Variants in SAMD12 observed in about 807,000 individuals in gnomAD.
SAMD12 encodes sterile alpha motif domain containing 12.
In SAMD12, 9 loss-of-function variants were observed where a neutral mutation model predicts 15.0. That is an observed-to-expected ratio of 0.60 (90% CI 0.36 to 1.05). SAMD12 has a LOEUF of 1.05. SAMD12 is among the 50% of genes least tolerant of loss of function. The probability of loss-of-function intolerance (pLI) is 0.01; values close to 1 mark genes in which losing one functional copy is unlikely to be tolerated. For synonymous variants in SAMD12, 86 were observed against 90.1 expected (o/e 0.96, Z 0.25); for missense variants, 230 against 234.2 (o/e 0.98, Z 0.12).
chr8:118,488,940 C>T (rs1824360697), intron 2 of SAMD12, among the ~76,000 whole-genome samples: 1 of 152,152 alleles, frequency 6.6e-6, no homozygotes, highest in African/African-American at 2.4e-5. Flanking sequence ...TCTTGTCAAA[C>T]AGTTTTCTGA....
At chr8:118,469,021 C>T (rs1196765309) in intron 2 of SAMD12, among the ~76,000 whole-genome samples, 1 of 152,180 alleles carries the variant, frequency 6.6e-6, no homozygotes, top group Non-Finnish European at 1.5e-5. Context: ...TTGGTCCGCA[C>T]TATTCTTTCT....
chr8:118,181,837 C>G, the SAMD12 span, among the ~76,000 whole-genome samples: 1 of 152,240 alleles, frequency 6.6e-6, no homozygotes, highest in Non-Finnish European at 1.5e-5. Flanking sequence ...TAAAACAGTG[C>G]ATTAAAGTAC....
At chr8:118,164,528 T>C in the SAMD12 span, among the ~76,000 whole-genome samples, 23 of 152,284 alleles carry the variant, frequency 1.5e-4, no homozygotes, top group South Asian at 4.8e-3. Context: ...ATTTTCAAGC[T>C]CTTCCAACAT....
intron 4 of SAMD12, among the ~76,000 whole-genome samples, chr8:118,267,563 C>A (rs1456270640): frequency 2.0e-5 from 3 of 152,080 alleles, no homozygotes; most frequent in Admixed American, 6.6e-5. Flanking sequence ...GAAACAAATT[C>A]TTGGTTCCTC....
exon 5 of SAMD12, chr8:118,192,849 C>T (rs1353490935): frequency 1.3e-5 from 2 of 152,088 alleles, no homozygotes; most frequent in Non-Finnish European, 2.9e-5. Flanking sequence ...CTGTTGGTGC[C>T]TTCTTGTGCT....
chr8:118,328,150 AC>A (rs1816648258), intron 4 of SAMD12, among the ~76,000 whole-genome samples: 1 of 151,936 alleles, frequency 6.6e-6, no homozygotes, highest in Non-Finnish European at 1.5e-5. Context: ...CCTTCTTTAA[AC>A]CCCACAGAAA....
intron 4 of SAMD12, among the ~76,000 whole-genome samples, chr8:118,371,745 C>T (rs1320551457): frequency 4.6e-5 from 7 of 152,070 alleles, no homozygotes; most frequent in Admixed American, 2.6e-4. Flanking sequence ...AGGTCTAAAA[C>T]GTAAATCTGA....
At chr8:118,148,426 G>A in the SAMD12 span, among the ~76,000 whole-genome samples, 2 of 152,230 alleles carry the variant, frequency 1.3e-5, no homozygotes, top group African/African-American at 2.4e-5. Context: ...ATGTTTTCAA[G>A]TTGTCATTGA....
At chr8:118,593,807 T>A (rs1827647269) in intron 1 of SAMD12, among the ~76,000 whole-genome samples, 1 of 152,118 alleles carries the variant, frequency 6.6e-6, no homozygotes, top group Non-Finnish European at 1.5e-5. Flanking sequence ...TGTGTAATTG[T>A]TTGTAATGAT....
intron 2 of SAMD12, among the ~76,000 whole-genome samples, chr8:118,458,978 G>C (rs915161005): frequency 8.4e-6 from 1 of 118,878 alleles, no homozygotes; most frequent in Non-Finnish European, 1.8e-5. Context: ...GTGTGTGTGT[G>C]TGTGTGTTTA....
chr8:118,351,016 T>C (rs1817937871), intron 4 of SAMD12, among the ~76,000 whole-genome samples: 1 of 152,232 alleles, frequency 6.6e-6, no homozygotes, highest in South Asian at 2.1e-4. Flanking sequence ...TGACAATTTC[T>C]TAAGTGAAGA....
chr8:118,298,617 C>T (rs1814853884), intron 4 of SAMD12, among the ~76,000 whole-genome samples: 1 of 152,014 alleles, frequency 6.6e-6, no homozygotes, highest in Non-Finnish European at 1.5e-5. Context: ...ACACTTTTAC[C>T]AAGGGATTCA....
chr8:118,549,273 C>T (rs1370855317), intron 2 of SAMD12, among the ~76,000 whole-genome samples: 2 of 152,238 alleles, frequency 1.3e-5, no homozygotes, highest in African/African-American at 4.8e-5. Flanking sequence ...AACTGGGAGG[C>T]ACCCCCCAAG....
the SAMD12 span, among the ~76,000 whole-genome samples, chr8:118,180,059 C>T: frequency 0.031 from 4,693 of 152,266 alleles, 99 homozygotes; most frequent in South Asian, 0.075. Flanking sequence ...CTCCCTCGGC[C>T]GGACTCAGTG....
chr8:118,264,949 G>C (rs1312730939), intron 4 of SAMD12, among the ~76,000 whole-genome samples: 1 of 152,144 alleles, frequency 6.6e-6, no homozygotes, highest in African/African-American at 2.4e-5. Context: ...GAAGGGCAGG[G>C]CTCAGGTAAT....
chr8:118,563,816 C>G (rs1311359678), intron 2 of SAMD12, among the ~76,000 whole-genome samples: 1 of 152,154 alleles, frequency 6.6e-6, no homozygotes, highest in Non-Finnish European at 1.5e-5. Context: ...CATTTCTTTT[C>G]CCTCTATTAT....
intron 3 of SAMD12, among the ~76,000 whole-genome samples, chr8:118,430,370 C>A (rs920708509): frequency 1.1e-5 from 1 of 93,428 alleles, no homozygotes; most frequent in South Asian, 3.8e-4. Flanking sequence ...TCTGTAATTG[C>A]CTTTTTTTTT....
downstream of SAMD12, among the ~76,000 whole-genome samples, chr8:118,373,483 A>C (rs1819213783): frequency 6.6e-6 from 1 of 152,164 alleles, no homozygotes; most frequent in Non-Finnish European, 1.5e-5. Flanking sequence ...TATAGTTCTA[A>C]AAAGTCTTCT....
Position 118,336,725 on chromosome 8 carries a change from T to TGG in SAMD12, c.433+42833_433+42834dup, listed in dbSNP as rs561591712. On this transcript the variant is annotated intron_variant, in intron 4 of 4. Coordinates refer to the SAMD12 transcript ENST00000409003. ...TTAATGATTGCCATTCTAATTACTG[T>TGG]GGCACTATTCATATTAGCAAAGACT... Among the ~76,000 whole-genome samples, 10 of 152,290 alleles carry TGG rather than the reference T, an allele frequency of 6.6e-5. No individual in the cohort carries two copies. In the South Asian group the frequency reaches 2.1e-3, roughly 32 times the overall value.
Sources: gnomAD v4.1 joint callset for allele counts (sites outside exome capture counted in the v4.1 genomes callset) on GRCh38, gnomAD v4.1.1 for gene constraint, MANE v1.5 for transcripts, NCBI Gene and HGNC (gene_info 2026-07-23, HGNC 2026-07-21) for gene names.